Variants in RAP1GAP observed in about 807,000 individuals in gnomAD.
RAP1GAP encodes rap1 GTPase-activating protein 1.
Under a neutral mutation model 87.2 loss-of-function variants are expected in RAP1GAP, and 35 were observed. The observed-to-expected ratio is 0.40, with a 90% CI of 0.31 to 0.53. The LOEUF is 0.53. Among genes scored for constraint, RAP1GAP ranks in the 20% least tolerant of loss-of-function variants. RAP1GAP has a pLI of 0.48. For missense variants in RAP1GAP, 734 were observed against 898.9 expected, an observed-to-expected ratio of 0.82 and a Z score of 2.35; for synonymous variants, 375 against 363.9, an observed-to-expected ratio of 1.03 and a Z score of -0.35.
intron 2 of RAP1GAP, 50 bp from the exon 3 acceptor site, chr1:21,626,447 TGG>T: frequency 1.4e-6 from 2 of 1,432,808 alleles, no homozygotes; most frequent in Non-Finnish European, 2.0e-6. Flanking sequence ...CCAGGAAATT[TGG>T]GAACTCTGGG....
intron 2 of RAP1GAP, among the ~76,000 whole-genome samples, chr1:21,638,971 T>C (rs1483395500): frequency 2.0e-5 from 3 of 152,156 alleles, no homozygotes; most frequent in African/African-American, 7.2e-5. Context: ...TTCCCCTACA[T>C]TAGGCATTAG....
At chr1:21,645,116 A>T (rs2151659009) in intron 2 of RAP1GAP, among the ~76,000 whole-genome samples, 1 of 152,286 alleles carries the variant, frequency 6.6e-6, no homozygotes, top group South Asian at 2.1e-4. Flanking sequence ...ATCTGCAGTA[A>T]CTAAAACCAT....
chr1:21,629,254 C>T (rs575419691), intron 2 of RAP1GAP, among the ~76,000 whole-genome samples: 62 of 152,238 alleles, frequency 4.1e-4, no homozygotes, highest in African/African-American at 1.3e-3. Context: ...TGGGTGCGGC[C>T]GTGGCTGCCC....
Position 21,609,561 on chromosome 1 carries a change from G to A in RAP1GAP, c.1071+14C>T. 1 of 1,484,280 alleles carries A rather than the reference G, an allele frequency of 6.7e-7. No homozygotes were observed. The highest frequency in any genetic ancestry group is 1.4e-5 in the African/African-American group (1 of 70,792). The allele number at this position is 1,484,280 out of a possible 1,614,324, so 91.9% of individuals were successfully genotyped here. A position where few individuals can be genotyped will look rare whatever the true frequency, so the allele number is the denominator to read the frequency against. ...TTGTCCTGCTCTGCCCATGACTGGG[G>A]GGGTGCCCCTCACCTTCCTGAACAC... On this transcript the variant is annotated intron_variant, in intron 15 of 24. Coordinates refer to ENST00000374765, the MANE Select transcript of RAP1GAP (RefSeq NM_002885.4). The surrounding 1 kb of genome is among the most constrained non-coding windows in gnomAD (Gnocchi z 4.4).
chr1:21,639,800 G>A (rs2095332758), intron 2 of RAP1GAP, among the ~76,000 whole-genome samples: 1 of 152,204 alleles, frequency 6.6e-6, no homozygotes, highest in Non-Finnish European at 1.5e-5. Flanking sequence ...TTTCCTGGGA[G>A]TCGGCACCGG....
chr1:21,597,724 C>G lies in RAP1GAP; in HGVS notation c.1988G>C (p.Cys663Ser). ...ASEQHMPQLG[C>S] ...CCTTCAGAGGGGGTGGCCCGGCTAA[C>G]AGCCCTGCAGACAGACAGTGGTGGT... The change falls in exon 24 of 25, where the codon TGT becomes TCT. Residue 663 changes from cysteine to serine, a missense_variant. Coordinates refer to ENST00000374765, the MANE Select transcript of RAP1GAP (RefSeq NM_002885.4). The G allele has an allele frequency of 6.2e-7, 1 of 1,613,556 alleles. No homozygotes were observed. The highest frequency in any genetic ancestry group is 1.1e-5 in the South Asian group (1 of 91,000).
intron 2 of RAP1GAP, among the ~76,000 whole-genome samples, chr1:21,645,407 G>A (rs548481190): frequency 2.0e-5 from 3 of 152,200 alleles, no homozygotes; most frequent in Non-Finnish European, 2.9e-5. Context: ...TTGAGCCCAG[G>A]AGGTCGAGGC....
intron 18 of RAP1GAP, among the ~76,000 whole-genome samples, chr1:21,604,309 T>G (rs2072051853): frequency 2.1e-5 from 3 of 145,892 alleles, no homozygotes; most frequent in Non-Finnish European, 3.0e-5. Context: ...AAAGCGAGGG[T>G]GAGAAGAGCG....
At chr1:21,601,015 A>G (rs919349433) in intron 20 of RAP1GAP, among the ~76,000 whole-genome samples, 1 of 125,644 alleles carries the variant, frequency 8.0e-6, no homozygotes, top group African/African-American at 3.1e-5. Flanking sequence ...CCAGCCCCTC[A>G]GATACTCTTT....
intron 2 of RAP1GAP, among the ~76,000 whole-genome samples, chr1:21,649,278 G>C (rs2096365615): frequency 6.6e-6 from 1 of 152,148 alleles, no homozygotes; most frequent in East Asian, 1.9e-4. Context: ...GGGCTGTCGG[G>C]GGGAGTAACT....
chr1:21,656,565 C>A (rs1419708364), intron 1 of RAP1GAP, among the ~76,000 whole-genome samples: 1 of 152,152 alleles, frequency 6.6e-6, no homozygotes. Context: ...CCAACCCAAT[C>A]CCAGGAAGCT....
At chr1:21,611,926 G>A in intron 11 of RAP1GAP, 100 bp downstream of exon 11, 1 of 1,486,060 alleles carries the variant, frequency 6.7e-7, no homozygotes, top group Non-Finnish European at 9.3e-7. Flanking sequence ...GCAGCCCCTG[G>A]GCTCCTGAGT....
chr1:21,614,104 G>A lies in RAP1GAP; in HGVS notation c.292-15C>T, dbSNP rs1342432271. On this transcript the variant is annotated splice_polypyrimidine_tract_variant and intron_variant, in intron 7 of 24. Transcript: ENST00000374765. ...TTGAAATGCTCCTGCAGTGGGAGGT[G>A]GGGGCCAGGGGAGTGGGTGAGGCTG... is the stretch of plus-strand genomic sequence containing the variant. 6.5e-7 allele frequency: 1 copy of A among 1,543,130 alleles called. No individual in the cohort carries two copies. Among genetic ancestry groups the A allele is most frequent in the Non-Finnish European group, 8.9e-7 (1 of 1,123,378 alleles).
intron 11 of RAP1GAP, 81 bp downstream of exon 11, chr1:21,611,945 C>T (rs1172694634): frequency 2.8e-5 from 41 of 1,479,988 alleles, no homozygotes; most frequent in South Asian, 7.0e-5. Context: ...GTCCCTTGGC[C>T]GGTGTGCTGC....
chr1:21,656,950 AC>A (rs1456129301), intron 1 of RAP1GAP, among the ~76,000 whole-genome samples: 4 of 152,134 alleles, frequency 2.6e-5, no homozygotes, highest in African/African-American at 9.7e-5. Context: ...AGTATTGAGC[AC>A]CCACTGTGTG....
rs1408891430 is a variant in RAP1GAP, at chr1:21,619,074, T to C, written c.19-2A>G. 2 of 1,597,580 alleles carry C rather than the reference T, an allele frequency of 1.3e-6. No individual in the cohort carries two copies. The highest frequency in any genetic ancestry group is 1.3e-5 in the African/African-American group (1 of 74,780). Reference sequence around the variant, plus strand: ...GCGTTGTTCATCCATCCTGCTTCCCTGTAAGAGAAGGCAGCACTGTTACAC... The same window carrying C: ...GCGTTGTTCATCCATCCTGCTTCCCCGTAAGAGAAGGCAGCACTGTTACAC... On this transcript the variant is annotated splice_acceptor_variant, in intron 4 of 24. Transcript: ENST00000374765. LOFTEE classifies it high-confidence loss of function.
rs34097078 is a variant in RAP1GAP at position 21,609,391 on chromosome 1, GAAA to G, written c.1071+181_1071+183del. Among the ~76,000 whole-genome samples the G allele has an allele frequency of 7.1e-6, 1 of 140,878 alleles. No homozygotes were observed. Among genetic ancestry groups the G allele is most frequent in the Non-Finnish European group, 1.6e-5 (1 of 64,152 alleles). The allele number at this position is 140,878 out of a possible 152,430, so 92.4% of individuals were successfully genotyped here. A position where few individuals can be genotyped will look rare whatever the true frequency, so the allele number is the denominator to read the frequency against. On this transcript the variant is annotated intron_variant, in intron 15 of 24. Transcript: ENST00000374765. This position sits in a 1 kb window ranked among gnomAD's most constrained non-coding sequence, Gnocchi z 4.4. ...CGTGTAGTTTATCCTGTGACCTTGT[GAAA>G]AAAAAAAAAAAGGTGTTTTCAAGAT...
intron 2 of RAP1GAP, among the ~76,000 whole-genome samples, chr1:21,639,870 G>A (rs1317132758): frequency 6.6e-6 from 1 of 152,190 alleles, no homozygotes; most frequent in African/African-American, 2.4e-5. Context: ...GGGTGAGAAT[G>A]GAGATGGGAG....
intron 2 of RAP1GAP, among the ~76,000 whole-genome samples, chr1:21,627,888 T>C (rs1170600130): frequency 6.6e-6 from 1 of 152,160 alleles, no homozygotes; most frequent in Non-Finnish European, 1.5e-5. Flanking sequence ...ACAGATATGG[T>C]GGCAGTGGCA....
Sources: allele counts gnomAD v4.1 joint callset (sites outside exome capture counted in the v4.1 genomes callset), GRCh38; gene constraint gnomAD v4.1.1; non-coding constraint Gnocchi (gnomAD v3.1); transcripts MANE v1.5; gene names NCBI Gene and HGNC (gene_info 2026-07-23, HGNC 2026-07-21).